The following TMTC1 variants were observed in gnomAD, a reference collection of about 807,000 sequenced individuals.
TMTC1 encodes the protein transmembrane O-mannosyltransferase targeting cadherins 1.
Under a neutral mutation model 104.8 loss-of-function variants are expected in TMTC1, and 73 were observed. The observed-to-expected ratio is 0.70, with a 90% CI of 0.58 to 0.85. The LOEUF is 0.85. Ranked by LOEUF, TMTC1 falls within the 40% of genes least tolerant of loss-of-function variation. The pLI is 0.00. For missense variants in TMTC1, 1,035 were observed against 1,096.1 expected, an observed-to-expected ratio of 0.94 and a Z score of 0.79; for synonymous variants, 434 against 428.7, an observed-to-expected ratio of 1.01 and a Z score of -0.15.
At chr12:29,520,282 G>A (rs1944110913) in intron 12 of TMTC1, among the ~76,000 whole-genome samples, 1 of 152,144 alleles carries the variant, frequency 6.6e-6, no homozygotes, top group Admixed American at 6.5e-5. Flanking sequence ...TCAGAGGCAG[G>A]TTTTGCATCA....
chr12:29,559,974 C>A (rs1228700923), intron 9 of TMTC1, among the ~76,000 whole-genome samples: 1 of 152,140 alleles, frequency 6.6e-6, no homozygotes, highest in Non-Finnish European at 1.5e-5. Flanking sequence ...CACTGTACAG[C>A]AGACCTGTGC....
intron 5 of TMTC1, among the ~76,000 whole-genome samples, chr12:29,656,348 A>T (rs1939757140): frequency 6.7e-6 from 1 of 149,412 alleles, no homozygotes; most frequent in Non-Finnish European, 1.5e-5. Flanking sequence ...ATACACACAT[A>T]CACATATACT....
intron 8 of TMTC1, among the ~76,000 whole-genome samples, chr12:29,579,259 T>C (rs1488481248): frequency 6.6e-6 from 1 of 152,160 alleles, no homozygotes; most frequent in Non-Finnish European, 1.5e-5. Context: ...AGCCTATGGG[T>C]CACTAATGTG....
At chr12:29,688,120 AC>A (rs1941152995) in intron 5 of TMTC1, among the ~76,000 whole-genome samples, 1 of 152,114 alleles carries the variant, frequency 6.6e-6, no homozygotes, top group African/African-American at 2.4e-5. Context: ...CAGGCAGGGT[AC>A]CCTGGGTTTC....
At chr12:29,605,243 A>G (rs1457990813) in intron 6 of TMTC1, among the ~76,000 whole-genome samples, 2 of 152,150 alleles carry the variant, frequency 1.3e-5, no homozygotes, top group Non-Finnish European at 2.9e-5. Context: ...TTGGAAAAGA[A>G]TAAGTAAAAG....
At chr12:29,624,853 A>G (rs1937894673) in intron 6 of TMTC1, among the ~76,000 whole-genome samples, 1 of 152,238 alleles carries the variant, frequency 6.6e-6, no homozygotes, top group African/African-American at 2.4e-5. Context: ...AGGACAGAGG[A>G]AAAAGTAGTG....
At chr12:29,550,106 A>T (rs1362323962) in intron 10 of TMTC1, among the ~76,000 whole-genome samples, 1 of 152,156 alleles carries the variant, frequency 6.6e-6, no homozygotes, top group African/African-American at 2.4e-5. Context: ...GAGAAAGCTG[A>T]TAAGAAAAAA....
intron 10 of TMTC1, among the ~76,000 whole-genome samples, chr12:29,556,232 T>C (rs544758534): frequency 3.3e-5 from 5 of 152,244 alleles, no homozygotes; most frequent in Middle Eastern, 3.4e-3. Context: ...GGGCAGCAAG[T>C]AAAAAGCAAA....
intron 5 of TMTC1, among the ~76,000 whole-genome samples, chr12:29,638,136 G>A (rs1221462274): frequency 6.6e-6 from 1 of 152,132 alleles, no homozygotes; most frequent in Admixed American, 6.5e-5. Flanking sequence ...ACGGACCTAA[G>A]TGAGAACAGG....
intron 5 of TMTC1, among the ~76,000 whole-genome samples, chr12:29,679,758 G>T (rs10843484): frequency 0.21 from 31,476 of 151,818 alleles, 3,656 homozygotes; most frequent in East Asian, 0.29. Flanking sequence ...TAACCTATAA[G>T]TAGAGGGATG....
chr12:29,628,930 G>T (rs988914352), intron 6 of TMTC1, among the ~76,000 whole-genome samples: 1 of 152,040 alleles, frequency 6.6e-6, no homozygotes, highest in Admixed American at 6.5e-5. Flanking sequence ...CCAAAGTGCT[G>T]GGGTTACAGG....
chr12:29,521,307 T>C (rs533877330), intron 11 of TMTC1, among the ~76,000 whole-genome samples: 2 of 152,290 alleles, frequency 1.3e-5, no homozygotes, highest in South Asian at 4.1e-4. Context: ...GAAGTATGTC[T>C]ACAGCCCACC....
At chr12:29,751,175 G>C (rs553663620) in intron 5 of TMTC1, among the ~76,000 whole-genome samples, 1 of 152,174 alleles carries the variant, frequency 6.6e-6, no homozygotes, top group Non-Finnish European at 1.5e-5. Context: ...TCACAGCTAG[G>C]TCAAAATATC....
At chr12:29,766,570 G>A (rs1457012628) in intron 2 of TMTC1, among the ~76,000 whole-genome samples, 1 of 152,136 alleles carries the variant, frequency 6.6e-6, no homozygotes, top group Admixed American at 6.5e-5. Flanking sequence ...TCCTTTGTAA[G>A]GTACCTCAGA....
chr12:29,595,334 C>T (rs1565696143), intron 7 of TMTC1, among the ~76,000 whole-genome samples: 1 of 152,218 alleles, frequency 6.6e-6, no homozygotes, highest in African/African-American at 2.4e-5. Flanking sequence ...GATCTCCAGC[C>T]CACAGGCACC....
At chr12:29,629,972 T>C (rs546143005) in intron 6 of TMTC1, among the ~76,000 whole-genome samples, 1 of 152,332 alleles carries the variant, frequency 6.6e-6, no homozygotes, top group South Asian at 2.1e-4. Flanking sequence ...TCGTTTTTTA[T>C]ACTTTATTGA....
rs945877946 is a variant in TMTC1, at chr12:29,760,904, A to G, written c.481-2127T>C. ...ATAATGTATTACATATATGATATGC[A>G]TATATTATATTTTCTATATTTATTA... On this transcript the variant is annotated intron_variant, in intron 2 of 17. Transcript: ENST00000539277. Among the ~76,000 whole-genome samples the G allele has an allele frequency of 3.4e-5, 5 of 148,230 alleles. No individual in the cohort carries two copies. The South Asian group carries it at 6.3e-4, about 19-fold the overall frequency.
chr12:29,635,951 A>G (rs1406682422), intron 5 of TMTC1, among the ~76,000 whole-genome samples: 8 of 152,386 alleles, frequency 5.2e-5, no homozygotes, highest in Admixed American at 2.6e-4. Flanking sequence ...AGAAACCACT[A>G]TTAAAAATAA....
intron 5 of TMTC1, among the ~76,000 whole-genome samples, chr12:29,690,895 C>G (rs1175890312): frequency 6.6e-6 from 1 of 152,200 alleles, no homozygotes; most frequent in African/African-American, 2.4e-5. Context: ...GAAATTACGA[C>G]AGTAAAAGAG....
Sources: allele counts gnomAD v4.1 joint callset (sites outside exome capture counted in the v4.1 genomes callset), GRCh38; gene constraint gnomAD v4.1.1; transcripts MANE v1.5; gene names NCBI Gene and HGNC (gene_info 2026-07-23, HGNC 2026-07-21).